Variants in NBPF26 observed in about 807,000 individuals in gnomAD.
NBPF26 encodes the protein NBPF family member NBPF26.
In NBPF26, 79 loss-of-function variants were observed where a neutral mutation model predicts 119.6. The ratio of observed to expected loss-of-function variants is 0.66; its 90% confidence interval spans 0.55 to 0.80. The LOEUF is 0.80. Ranked by LOEUF, NBPF26 falls within the 30% of genes least tolerant of loss-of-function variation. NBPF26 has a pLI of 0.00. For missense variants in NBPF26, 800 were observed against 1,198.2 expected (o/e 0.67, Z 4.91); for synonymous variants, 299 against 457.7 (o/e 0.65, Z 4.43).
chr1:120,763,691 G>C lies in NBPF26; in HGVS notation c.137G>C (p.Ser46Thr). Residue 46 changes from serine to threonine, a missense_variant, in exon 2 of 30, where the codon AGT becomes ACT. By Grantham distance (58) the Ser-to-Thr change is moderately conservative. Coordinates refer to ENST00000620612, the Ensembl canonical transcript of NBPF26. ...AAAGGAATGTGTGTTACCTACCACAGTGGCACAGGATACTGCAAGTAAGTT... is the reference window on the plus strand; with the variant it reads ...AAAGGAATGTGTGTTACCTACCACACTGGCACAGGATACTGCAAGTAAGTT... 2.9e-6 allele frequency: 4 copies of C among 1,392,910 alleles called. 1 individual carries two copies. The highest frequency in any genetic ancestry group is 3.9e-6 in the Non-Finnish European group (4 of 1,036,198). The allele number at this position is 1,392,910 out of a possible 1,614,324, so 86.3% of individuals were successfully genotyped here.
At chr1:120,809,962 A>C (rs1339712074) in intron 8 of NBPF26, 79 bp downstream of exon 8, 28 of 1,495,246 alleles carry the variant, frequency 1.9e-5, no homozygotes, top group Non-Finnish European at 2.3e-5. Flanking sequence ...TCTGGCATCT[A>C]TGGTGGGCCA....
intron 2 of NBPF26, among the ~76,000 whole-genome samples, chr1:120,779,659 G>A (rs1387794762): frequency 3.3e-5 from 4 of 122,356 alleles, no homozygotes; most frequent in Admixed American, 7.9e-5. Context: ...TCCAAAATGT[G>A]TGCTGGGTAG....
rs1469131686 is a variant in NBPF26, at chr1:120,822,933, C to A, written c.2588-376C>A. 6.4e-5 allele frequency among the ~76,000 whole-genome samples: 8 copies of A among 125,440 alleles called. 3 individuals carry two copies. The highest frequency in any genetic ancestry group is 1.5e-4 in the African/African-American group (4 of 26,028). 82.3% of individuals were successfully genotyped at this position (125,440 alleles called of 152,430 possible). ...CCCTTTCATCAAATCTCTGTGTCCA[C>A]AATCTCATAAACTATCAAATTCTGG... is the stretch of plus-strand genomic sequence containing the variant. On this transcript the variant is annotated intron_variant, in intron 16 of 29. Coordinates refer to ENST00000620612, the Ensembl canonical transcript of NBPF26.
rs1485338146 is a variant in NBPF26, at chr1:120,765,691, T to C, written c.155+1982T>C. ...AGGACACATGCACATGTGTGTTTAC[T>C]GCAGCACTATTTACAGTAGGAAAGA... On this transcript the variant is annotated intron_variant, in intron 2 of 29. Coordinates refer to ENST00000620612, the Ensembl canonical transcript of NBPF26. 3.8e-5 allele frequency among the ~76,000 whole-genome samples: 4 copies of C among 105,692 alleles called. 1 individual carries two copies. The East Asian group carries it at 8.9e-4, about 24-fold the overall frequency. The allele number at this position is 105,692 out of a possible 152,430, so 69.3% of individuals were successfully genotyped here.
rs1393973930 is a variant in NBPF26 at position 120,822,979 on chromosome 1, A to G, written c.2588-330A>G. 2.5e-4 allele frequency among the ~76,000 whole-genome samples: 31 copies of G among 126,166 alleles called. 10 individuals are homozygous for G. The highest frequency in any genetic ancestry group is 4.7e-4 in the Non-Finnish European group (29 of 61,684). 82.8% of individuals were successfully genotyped at this position (126,166 alleles called of 152,430 possible). On this transcript the variant is annotated intron_variant, in intron 16 of 29. Transcript: ENST00000620612. The stretch of plus-strand genomic sequence containing the variant: ...TCTGGGTATTTAATGAGAAAAGCCT[A>G]ATATTGAAGTATCTCTCCTATGAGG...
chr1:120,768,521 T>G (rs1651219959), intron 2 of NBPF26, among the ~76,000 whole-genome samples: 1 of 108,376 alleles, frequency 9.2e-6, no homozygotes, highest in Non-Finnish European at 1.7e-5. Flanking sequence ...TCCAGATACC[T>G]CTGACTCCTC....
chr1:120,768,586 A>G (rs1411828344), intron 2 of NBPF26, among the ~76,000 whole-genome samples: 1 of 109,312 alleles, frequency 9.1e-6, no homozygotes, highest in South Asian at 2.7e-4. Context: ...CTGCTGCATG[A>G]ACTGGGGTGT....
At chr1:120,756,729 G>A (rs1651085261) in intron 1 of NBPF26, among the ~76,000 whole-genome samples, 1 of 115,588 alleles carries the variant, frequency 8.7e-6, no homozygotes, top group South Asian at 2.5e-4. Flanking sequence ...GTATGATACT[G>A]AAAAGCATTG....
intron 12 of NBPF26, among the ~76,000 whole-genome samples, chr1:120,815,584 T>C (rs1335054533): frequency 3.2e-5 from 3 of 94,974 alleles, no homozygotes; most frequent in Non-Finnish European, 5.7e-5. Flanking sequence ...GGGCGTTTTG[T>C]GGTAGGAAGT....
intron 6 of NBPF26, among the ~76,000 whole-genome samples, chr1:120,808,262 ATGT>A (rs1651755883): frequency 8.2e-6 from 1 of 121,258 alleles, no homozygotes; most frequent in Non-Finnish European, 1.6e-5. Context: ...AACTGAAAGG[ATGT>A]CTTTTTGAAA....
rs1253887580 is a variant in NBPF26, at chr1:120,802,181, C to A, written c.752-3375C>A. Among the ~76,000 whole-genome samples the A allele has an allele frequency of 8.3e-5, 10 of 120,124 alleles. 4 individuals are homozygous for A. Among genetic ancestry groups the A allele is most frequent in the African/African-American group, 1.7e-4 (4 of 23,874 alleles). 78.8% of individuals were successfully genotyped at this position (120,124 alleles called of 152,430 possible). A position where few individuals can be genotyped will look rare whatever the true frequency, so the allele number is the denominator to read the frequency against. On this transcript the variant is annotated intron_variant, in intron 4 of 29. Transcript: ENST00000620612. Reference sequence around the variant, plus strand: ...AAGGTCGATGGTATCAGCGGGTCCCCAAACTGACTGCACATCTGAGTCATG... The same window carrying A: ...AAGGTCGATGGTATCAGCGGGTCCCAAAACTGACTGCACATCTGAGTCATG...
chr1:120,822,110 G>A lies in NBPF26; in HGVS notation c.2430G>A (p.Leu810=). ...GTCCTGCCTGGCTCATCAGGAATCT[G>A]CAGGAGTCTGAAGAGGAGGAAGTCC... Residue 810 remains leucine, a synonymous_variant, in exon 16 of 30, where the codon CTG becomes CTA. Transcript: ENST00000620612. 4 of 1,442,972 alleles carry A rather than the reference G, an allele frequency of 2.8e-6. 1 individual carries two copies. The South Asian group carries it at 4.8e-5, about 17-fold the overall frequency. 89.4% of individuals were successfully genotyped at this position (1,442,972 alleles called of 1,614,324 possible).
In NBPF26 at chr1:120,767,634, C is replaced by G. The variant is rs1448084321; in HGVS notation, c.155+3925C>G. Among the ~76,000 whole-genome samples the G allele has an allele frequency of 6.7e-4, 62 of 93,000 alleles. 12 individuals carry two copies. Among genetic ancestry groups the G allele is most frequent in the East Asian group, 3.2e-3 (13 of 4,020 alleles). The allele number at this position is 93,000 out of a possible 152,430, so 61.0% of individuals were successfully genotyped here. ...ACTACTGTCAAATCTTAATAAAGCC[C>G]TCTCACTACAGGGAGATAAGATATT... On this transcript the variant is annotated intron_variant, in intron 2 of 29. Transcript: ENST00000620612.
chr1:120,732,909 A>G (rs1354568057), intron 1 of NBPF26, among the ~76,000 whole-genome samples: 1 of 104,840 alleles, frequency 9.5e-6, no homozygotes, highest in Non-Finnish European at 1.8e-5. Flanking sequence ...TCGTATTTAT[A>G]CTTTGCTGAT....
Position 120,793,462 on chromosome 1 carries a change from T to A in NBPF26, c.717T>A (p.Thr239=), listed in dbSNP as rs1202247824. 10 of 1,429,312 alleles carry A rather than the reference T, an allele frequency of 7.0e-6. 1 individual carries two copies. The highest frequency in any genetic ancestry group is 9.4e-6 in the Non-Finnish European group (10 of 1,069,030). The allele number at this position is 1,429,312 out of a possible 1,614,324, so 88.5% of individuals were successfully genotyped here. Residue 239 remains threonine, a synonymous_variant, in exon 4 of 30, where the codon ACT becomes ACA. Coordinates refer to ENST00000620612, the Ensembl canonical transcript of NBPF26. ...TCAATGGAGGCACCTGTCGGCAGAC[T>A]GGTGACTTCACTTTTGAGTGCAACT... is the stretch of plus-strand genomic sequence containing the variant.
At chr1:120,777,607 T>A (rs1252723109) in intron 2 of NBPF26, among the ~76,000 whole-genome samples, 3 of 82,098 alleles carry the variant, frequency 3.7e-5, no homozygotes, top group Non-Finnish European at 2.1e-5. Context: ...TTTAAAGTTC[T>A]TTTTGTTTTT....
intron 4 of NBPF26, among the ~76,000 whole-genome samples, chr1:120,805,063 A>G (rs1444918083): frequency 2.5e-5 from 3 of 122,432 alleles, no homozygotes; most frequent in East Asian, 4.0e-4. Flanking sequence ...TTGTACAGAC[A>G]AGAGATAAAC....
At chr1:120,842,176 G>A (rs1232555494), downstream of NBPF26, among the ~76,000 whole-genome samples, 1 of 108,422 alleles carries the variant, frequency 9.2e-6, no homozygotes, top group Non-Finnish European at 1.7e-5. Flanking sequence ...ATTGGTTTTG[G>A]TGGGTACTGA....
chr1:120,755,933 C>CTT (rs1168463033), intron 1 of NBPF26, among the ~76,000 whole-genome samples: 6 of 87,298 alleles, frequency 6.9e-5, no homozygotes, highest in Non-Finnish European at 1.2e-4. Flanking sequence ...TCTCTTATTG[C>CTT]TTTTTTTTTT....
Sources: allele counts gnomAD v4.1 joint callset (sites outside exome capture counted in the v4.1 genomes callset), GRCh38; gene constraint gnomAD v4.1.1; transcripts MANE v1.5; gene names NCBI Gene and HGNC (gene_info 2026-07-23, HGNC 2026-07-21).